ARL3: variants seen among roughly 807,000 people sequenced by gnomAD.
ARL3 encodes the protein ARF like GTPase 3.
ARL3 carries 9 observed loss-of-function variants against 26.0 expected under a neutral mutation model. The observed-to-expected ratio is 0.35, with a 90% confidence interval of 0.21 to 0.60. The LOEUF (loss-of-function observed/expected upper bound fraction) is 0.60. ARL3 is among the 20% of genes least tolerant of loss of function. The pLI is 0.78. For synonymous variants in ARL3, 71 were observed against 78.4 expected (o/e 0.91, Z 0.50); for missense variants, 158 against 215.7 (o/e 0.73, Z 1.67).
intron 1 of ARL3, among the ~76,000 whole-genome samples, chr10:102,711,756 C>CA (rs1564734915): frequency 6.8e-6 from 1 of 146,968 alleles, no homozygotes; most frequent in South Asian, 2.1e-4. Flanking sequence ...GACTCCGTCT[C>CA]AAAAAAAGAA....
chr10:102,707,934 G>GAC (rs2064318206), intron 1 of ARL3, among the ~76,000 whole-genome samples: 1 of 151,824 alleles, frequency 6.6e-6, no homozygotes, highest in South Asian at 2.1e-4. Context: ...TTTTTGGGGG[G>GAC]ACAGGGTCTT....
intron 5 of ARL3, among the ~76,000 whole-genome samples, chr10:102,685,473 T>C (rs2064178668): frequency 6.6e-6 from 1 of 152,236 alleles, no homozygotes; most frequent in South Asian, 2.1e-4. Flanking sequence ...GCTATCACCT[T>C]GGAAGTACAG....
At chr10:102,695,683 A>C (rs1010790978) in intron 3 of ARL3, among the ~76,000 whole-genome samples, 24 of 151,944 alleles carry the variant, frequency 1.6e-4, no homozygotes, top group African/African-American at 5.8e-4. Context: ...ACGCCCAGCT[A>C]ATTTTGTATT....
At chr10:102,687,144 G>A (rs1421077244) in intron 4 of ARL3, among the ~76,000 whole-genome samples, 1 of 151,748 alleles carries the variant, frequency 6.6e-6, no homozygotes, top group Non-Finnish European at 1.5e-5. Flanking sequence ...CTCCCAAAGT[G>A]CTGGGATTAC....
chr10:102,687,926 C>CGT (rs150375198), intron 4 of ARL3, among the ~76,000 whole-genome samples: 13 of 151,300 alleles, frequency 8.6e-5, no homozygotes, highest in South Asian at 4.2e-4. Flanking sequence ...ACTTTCAATG[C>CGT]GTGTGTGTGT....
At chr10:102,687,044 T>G (rs958090948) in intron 4 of ARL3, among the ~76,000 whole-genome samples, 3 of 149,882 alleles carry the variant, frequency 2.0e-5, no homozygotes, top group Non-Finnish European at 4.4e-5. Flanking sequence ...CTCGCTAATT[T>G]TTTTTGTATT....
intron 5 of ARL3, among the ~76,000 whole-genome samples, chr10:102,684,332 G>A (rs1315378745): frequency 6.6e-6 from 1 of 151,856 alleles, no homozygotes; most frequent in Non-Finnish European, 1.5e-5. Context: ...TGTATTTTTA[G>A]TAGAGACGGG....
intron 3 of ARL3, among the ~76,000 whole-genome samples, 170 bp from the exon 4 acceptor site, chr10:102,690,113 A>C (rs1355843650): frequency 6.6e-6 from 1 of 152,094 alleles, no homozygotes; most frequent in Non-Finnish European, 1.5e-5. Flanking sequence ...ACAAATACAC[A>C]AATTAATTAA....
Position 102,714,267 on chromosome 10 carries a change from A to G in ARL3, c.3+6T>C, listed in dbSNP as rs1253848539. ...GCTCCAAGGGGGCCCAGGCCCCCAC[A>G]CTCACCATCCTCCCGCCGAGTCCCT... On this transcript the variant is annotated splice_donor_region_variant and intron_variant, in intron 1 of 5. Transcript: ENST00000260746. 1 of 1,312,476 alleles carries G rather than the reference A, an allele frequency of 7.6e-7. No homozygotes were observed. Among genetic ancestry groups the G allele is most frequent in the African/African-American group, 1.5e-5 (1 of 66,040 alleles). 81.3% of individuals were successfully genotyped at this position (1,312,476 alleles called of 1,614,324 possible).
At chr10:102,697,625 A>C (rs2064255949) in intron 3 of ARL3, among the ~76,000 whole-genome samples, 1 of 152,218 alleles carries the variant, frequency 6.6e-6, no homozygotes, top group Admixed American at 6.5e-5. Context: ...TAAGCATCTA[A>C]GTGGTCATTA....
intron 1 of ARL3, among the ~76,000 whole-genome samples, chr10:102,712,811 G>A (rs949922353): frequency 2.0e-5 from 3 of 147,628 alleles, no homozygotes; most frequent in Non-Finnish European, 3.0e-5. Context: ...CTCATTTGTT[G>A]AGAAAAACTT....
At chr10:102,690,605 T>TA (rs1433051342) in intron 3 of ARL3, among the ~76,000 whole-genome samples, 1 of 152,146 alleles carries the variant, frequency 6.6e-6, no homozygotes, top group Non-Finnish European at 1.5e-5. Flanking sequence ...TAAATTATGT[T>TA]AAGTTTAAAC....
chr10:102,684,557 C>A (rs2064172369), intron 5 of ARL3, among the ~76,000 whole-genome samples: 1 of 152,174 alleles, frequency 6.6e-6, no homozygotes, highest in Non-Finnish European at 1.5e-5. Context: ...TCATCTTCAT[C>A]AAAATAACCT....
At chr10:102,695,443 C>T (rs1281061517) in intron 3 of ARL3, among the ~76,000 whole-genome samples, 4 of 152,112 alleles carry the variant, frequency 2.6e-5, no homozygotes, top group Admixed American at 6.6e-5. Context: ...GGAAAGCAAC[C>T]GACTTGTACA....
intron 4 of ARL3, among the ~76,000 whole-genome samples, chr10:102,686,603 T>C (rs2064188289): frequency 6.6e-6 from 1 of 151,526 alleles, no homozygotes; most frequent in South Asian, 2.1e-4. Flanking sequence ...TAGCTGGGAC[T>C]GCAGGTGCAC....
intron 3 of ARL3, among the ~76,000 whole-genome samples, chr10:102,694,477 C>T (rs1438740172): frequency 2.0e-5 from 3 of 151,152 alleles, no homozygotes; most frequent in Admixed American, 1.3e-4. Context: ...GGCTCTAGGT[C>T]GAAGGAAAAA....
chr10:102,683,282 G>A (rs2064165583), intron 5 of ARL3, among the ~76,000 whole-genome samples: 1 of 152,082 alleles, frequency 6.6e-6, no homozygotes, highest in African/African-American at 2.4e-5. Context: ...ACCACGAAAG[G>A]ACAATAGACA....
At chr10:102,683,885 T>A (rs188403263) in intron 5 of ARL3, among the ~76,000 whole-genome samples, 74 of 152,248 alleles carry the variant, frequency 4.9e-4, no homozygotes, top group Non-Finnish European at 9.4e-4. Context: ...TGAAGCAGTG[T>A]CCTTGACTTT....
intron 3 of ARL3, among the ~76,000 whole-genome samples, chr10:102,697,469 G>A (rs1234540988): frequency 6.6e-6 from 1 of 152,178 alleles, no homozygotes. Context: ...GAGCCGCTGC[G>A]CCCGGCAGCT....
Sources: gnomAD v4.1 joint callset for allele counts (sites outside exome capture counted in the v4.1 genomes callset) on GRCh38, gnomAD v4.1.1 for gene constraint, MANE v1.5 for transcripts, NCBI Gene and HGNC (gene_info 2026-07-23, HGNC 2026-07-21) for gene names.